Variants in CENPW observed in about 807,000 individuals in gnomAD.
CENPW encodes the protein centromere protein W.
A neutral mutation model predicts 11.1 loss-of-function variants in CENPW; 3 were observed. The observed-to-expected ratio is 0.27, with a 90% CI of 0.12 to 0.70. The LOEUF is 0.70. Among genes scored for constraint, CENPW ranks in the 30% least tolerant of loss-of-function variants. CENPW has a pLI of 0.77. For missense variants in CENPW, 100 were observed against 105.6 expected, an observed-to-expected ratio of 0.95 and a Z score of 0.23; for synonymous variants, 38 against 42.0, an observed-to-expected ratio of 0.91 and a Z score of 0.37.
At chr6:126,359,400 A>AT in the CENPW span, among the ~76,000 whole-genome samples, 1 of 151,638 alleles carries the variant, frequency 6.6e-6, no homozygotes, top group African/African-American at 2.4e-5. Flanking sequence ...ATATGCTGTG[A>AT]TTTTTGGGTA....
At chr6:126,479,484 C>G in the CENPW span, among the ~76,000 whole-genome samples, 1 of 151,902 alleles carries the variant, frequency 6.6e-6, no homozygotes, top group Admixed American at 6.6e-5. Context: ...CAAAACAAAA[C>G]AAGACTTGAG....
At chr6:126,382,413 A>G in the CENPW span, among the ~76,000 whole-genome samples, 1 of 152,188 alleles carries the variant, frequency 6.6e-6, no homozygotes, top group Non-Finnish European at 1.5e-5. Flanking sequence ...CAATTGCACT[A>G]GCTCTCCAGC....
the CENPW span, among the ~76,000 whole-genome samples, chr6:126,416,581 C>T: frequency 6.6e-6 from 1 of 152,142 alleles, no homozygotes; most frequent in Admixed American, 6.5e-5. Context: ...TCCAGGGTCC[C>T]TGTGCTGTGT....
At chr6:126,366,881 G>A in the CENPW span, among the ~76,000 whole-genome samples, 1 of 152,174 alleles carries the variant, frequency 6.6e-6, no homozygotes, top group Non-Finnish European at 1.5e-5. Context: ...ATCTGATGGT[G>A]GGAGGGTCAA....
chr6:126,418,769 A>G, the CENPW span, among the ~76,000 whole-genome samples: 1 of 152,030 alleles, frequency 6.6e-6, no homozygotes, highest in Non-Finnish European at 1.5e-5. Context: ...TGATGAGTTC[A>G]TGTCCCTTGT....
At chr6:126,470,846 T>TC in the CENPW span, among the ~76,000 whole-genome samples, 1 of 152,368 alleles carries the variant, frequency 6.6e-6, no homozygotes, top group South Asian at 2.1e-4. Context: ...ACAGGGCCTG[T>TC]GGCCCCTTTG....
the CENPW span, among the ~76,000 whole-genome samples, chr6:126,402,956 G>A: frequency 6.6e-6 from 1 of 151,910 alleles, no homozygotes; most frequent in Admixed American, 6.6e-5. Context: ...TCAAGAGCAG[G>A]TGCTTATTTC....
chr6:126,448,296 G>A, the CENPW span, among the ~76,000 whole-genome samples: 6 of 151,126 alleles, frequency 4.0e-5, no homozygotes, highest in Admixed American at 1.3e-4. Context: ...AGTGATACCA[G>A]TGCCAGCCTC....
the CENPW span, among the ~76,000 whole-genome samples, chr6:126,419,399 C>T: frequency 5.3e-3 from 813 of 152,184 alleles, 9 homozygotes; most frequent in African/African-American, 0.018. Context: ...CAATTATTCA[C>T]TCAATTCAAC....
the CENPW span, among the ~76,000 whole-genome samples, chr6:126,418,669 C>T: frequency 2.8e-4 from 42 of 152,032 alleles, no homozygotes; most frequent in African/African-American, 1.0e-3. Flanking sequence ...AAAGTTATGG[C>T]AACTCCATCA....
At chr6:126,461,735 T>C in the CENPW span, among the ~76,000 whole-genome samples, 1 of 151,960 alleles carries the variant, frequency 6.6e-6, no homozygotes, top group African/African-American at 2.4e-5. Flanking sequence ...AAACAGAGAA[T>C]GATGATACAG....
the CENPW span, among the ~76,000 whole-genome samples, chr6:126,434,293 T>C: frequency 2.0e-5 from 3 of 151,976 alleles, no homozygotes; most frequent in African/African-American, 7.2e-5. Flanking sequence ...AACCAAGAAA[T>C]CAGCAGTTAA....
At chr6:126,451,530 G>A in the CENPW span, among the ~76,000 whole-genome samples, 58 of 151,188 alleles carry the variant, frequency 3.8e-4, no homozygotes, top group South Asian at 0.01. Context: ...AGATTCTTGA[G>A]TTATTTTTTC....
chr6:126,454,263 A>G, the CENPW span, among the ~76,000 whole-genome samples: 87 of 151,538 alleles, frequency 5.7e-4, no homozygotes, highest in Non-Finnish European at 1.0e-3. Context: ...AACCAACAGA[A>G]TATAGATTCT....
At chr6:126,414,961 A>C in the CENPW span, among the ~76,000 whole-genome samples, 2 of 152,134 alleles carry the variant, frequency 1.3e-5, no homozygotes, top group African/African-American at 2.4e-5. Context: ...GATGGCTATG[A>C]ATAACCATAC....
At chr6:126,449,175 G>T in the CENPW span, among the ~76,000 whole-genome samples, 192 of 151,086 alleles carry the variant, frequency 1.3e-3, no homozygotes, top group African/African-American at 4.3e-3. Flanking sequence ...ACAGAAATGA[G>T]ACCAAATATA....
At chr6:126,431,713 C>T in the CENPW span, among the ~76,000 whole-genome samples, 1 of 151,988 alleles carries the variant, frequency 6.6e-6, no homozygotes, top group Non-Finnish European at 1.5e-5. Context: ...AATATGCAAC[C>T]CACGTTGTTT....
chr6:126,425,064 A>G, the CENPW span, among the ~76,000 whole-genome samples: 1 of 152,152 alleles, frequency 6.6e-6, no homozygotes, highest in Non-Finnish European at 1.5e-5. Flanking sequence ...ATTCAATTTC[A>G]TGAACATCTT....
chr6:126,462,646 A>G, the CENPW span, among the ~76,000 whole-genome samples: 1 of 151,808 alleles, frequency 6.6e-6, no homozygotes, highest in Non-Finnish European at 1.5e-5. Flanking sequence ...CAGGCATAAA[A>G]TAAGACTGTG....
Sources: allele counts gnomAD v4.1 joint callset (sites outside exome capture counted in the v4.1 genomes callset), GRCh38; gene constraint gnomAD v4.1.1; transcripts MANE v1.5; gene names NCBI Gene and HGNC (gene_info 2026-07-23, HGNC 2026-07-21).